Variants in XYLT1 observed in about 807,000 individuals in gnomAD.
XYLT1 encodes the protein xylosyltransferase 1, also known as beta-D-xylosyltransferase 1.
Under a neutral mutation model 91.3 loss-of-function variants are expected in XYLT1, and 36 were observed. The ratio of observed to expected loss-of-function variants is 0.39; its 90% CI spans 0.30 to 0.52. The LOEUF (loss-of-function observed/expected upper bound fraction) is 0.52. XYLT1 is among the 20% of genes least tolerant of loss of function. The probability of loss-of-function intolerance (pLI) is 0.68; values close to 1 mark genes in which losing one functional copy is unlikely to be tolerated. For missense variants in XYLT1, 1,242 were observed against 1,284.5 expected, an observed-to-expected ratio of 0.97 and a Z score of 0.51; for synonymous variants, 588 against 532.0, an observed-to-expected ratio of 1.11 and a Z score of -1.45.
intron 2 of XYLT1, among the ~76,000 whole-genome samples, chr16:17,278,662 G>A (rs2034013717): frequency 6.6e-6 from 1 of 152,168 alleles, no homozygotes; most frequent in African/African-American, 2.4e-5. Flanking sequence ...AGCATCTACT[G>A]TTTACCCAAG....
chr16:17,315,757 G>T (rs1317413571), intron 2 of XYLT1, among the ~76,000 whole-genome samples: 1 of 152,086 alleles, frequency 6.6e-6, no homozygotes, highest in African/African-American at 2.4e-5. Context: ...ACTTGCCCAA[G>T]GTCACCTGGT....
intron 3 of XYLT1, among the ~76,000 whole-genome samples, chr16:17,213,309 C>T (rs1273874508): frequency 6.6e-6 from 1 of 152,168 alleles, no homozygotes; most frequent in Non-Finnish European, 1.5e-5. Context: ...TTGATGTTTC[C>T]TGTACAGCTC....
chr16:17,187,643 TTTC>T (rs1306209411), intron 5 of XYLT1, among the ~76,000 whole-genome samples: 3 of 151,858 alleles, frequency 2.0e-5, no homozygotes, highest in Non-Finnish European at 4.4e-5. Flanking sequence ...TTTTCTTTTC[TTTC>T]TTCTTATTTT....
At position 17,289,110 on chromosome 16, in the gene XYLT1, A is replaced by T. The variant is rs1337308342; in HGVS notation, c.403-29612T>A. Among the ~76,000 whole-genome samples, 3 of 152,232 alleles carry T rather than the reference A, an allele frequency of 2.0e-5. No individual in the cohort carries two copies. In the East Asian group the frequency reaches 5.8e-4, roughly 29 times the overall value. On this transcript the variant is annotated intron_variant, in intron 2 of 11. Transcript: ENST00000261381. ...ATCATTTTCTGTAAAGGACTGGCTA[A>T]TAAATATTTTAGGCCTTGTAAGCCA... is the stretch of plus-strand genomic sequence containing the variant.
At chr16:17,316,114 C>G (rs1438595490) in intron 2 of XYLT1, among the ~76,000 whole-genome samples, 2 of 152,208 alleles carry the variant, frequency 1.3e-5, no homozygotes, top group African/African-American at 2.4e-5. Flanking sequence ...ACTATTCTCC[C>G]CGAAGCGCAC....
At chr16:17,408,599 A>G (rs577253488) in intron 1 of XYLT1, among the ~76,000 whole-genome samples, 1 of 152,376 alleles carries the variant, frequency 6.6e-6, no homozygotes, top group South Asian at 2.1e-4. Flanking sequence ...TAATCCCAGC[A>G]CTTTTGGAGG....
chr16:17,233,437 G>A (rs542006502), intron 3 of XYLT1, among the ~76,000 whole-genome samples: 29 of 152,354 alleles, frequency 1.9e-4, no homozygotes, highest in Middle Eastern at 3.4e-3. Context: ...GACTGCGGAA[G>A]CGAGCAAGAG....
At chr16:17,236,802 G>C (rs541772463) in intron 3 of XYLT1, among the ~76,000 whole-genome samples, 2 of 152,256 alleles carry the variant, frequency 1.3e-5, no homozygotes, top group African/African-American at 4.8e-5. Flanking sequence ...ATGTCTATCT[G>C]TGGGTCTGAA....
intron 2 of XYLT1, among the ~76,000 whole-genome samples, chr16:17,279,264 G>A (rs1007930121): frequency 6.6e-6 from 1 of 152,232 alleles, no homozygotes; most frequent in African/African-American, 2.4e-5. Context: ...TTTCCCAGCT[G>A]TAGCCAGCTC....
At chr16:17,278,204 G>A (rs960154428) in intron 2 of XYLT1, among the ~76,000 whole-genome samples, 4 of 152,104 alleles carry the variant, frequency 2.6e-5, no homozygotes, top group African/African-American at 4.8e-5. Flanking sequence ...TTCAGACACC[G>A]AACTCCCTTT....
At position 17,172,638 on chromosome 16, in the gene XYLT1, A is replaced by AT. The variant is rs1187111239; in HGVS notation, c.1290-13730dup. On this transcript the variant is annotated intron_variant, in intron 5 of 11. Transcript: ENST00000261381. ...AAGCATCCACCACCACATCTGGCTA[A>AT]TTTTTGTACTTTTTAATAGAGATGG... 5.9e-5 allele frequency among the ~76,000 whole-genome samples: 9 copies of AT among 151,874 alleles called. No individual in the cohort carries two copies. The East Asian group carries it at 1.7e-3, about 29-fold the overall frequency.
intron 2 of XYLT1, among the ~76,000 whole-genome samples, chr16:17,317,621 C>A (rs560805852): frequency 1.0e-5 from 1 of 98,338 alleles, no homozygotes; most frequent in South Asian, 3.4e-4. Context: ...CGGTGGGAGA[C>A]GCTGTCTCAA....
Position 17,117,675 on chromosome 16 carries a change from G to T in XYLT1, c.2528C>A (p.Thr843Asn). The stretch of plus-strand genomic sequence containing the variant: ...TTTGATGGGCTGCCTGTTCGAGAAG[G>T]TCAGAGGCGCAACGAGGAATTTGGT... ...AETKFLVAPL[T>N]FSNRQPIKPE... is the part of the protein sequence containing the mutation. Residue 843 changes from threonine to asparagine, a missense_variant, in exon 11 of 12, where the codon ACC (threonine) becomes AAC (asparagine). By Grantham distance (65) the Thr-to-Asn change is moderately conservative. This residue lies in a region of XYLT1 where 511 missense variants were observed against 497.0 expected (regional missense o/e 1.03). Coordinates refer to ENST00000261381, the MANE Select transcript of XYLT1 (RefSeq NM_022166.4). The T allele has an allele frequency of 6.2e-7, 1 of 1,613,812 alleles. No individual in the cohort carries two copies. The highest frequency in any genetic ancestry group is 8.5e-7 in the Non-Finnish European group (1 of 1,179,722).
intron 5 of XYLT1, among the ~76,000 whole-genome samples, chr16:17,167,917 G>C (rs2031736905): frequency 6.6e-6 from 1 of 152,034 alleles, no homozygotes; most frequent in Non-Finnish European, 1.5e-5. Flanking sequence ...GGCTTATCTG[G>C]GGGAGGAGGA....
chr16:17,302,605 T>C (rs1417742311), intron 2 of XYLT1, among the ~76,000 whole-genome samples: 1 of 152,216 alleles, frequency 6.6e-6, no homozygotes. Context: ...CACCATGGTG[T>C]AGGTGTTAAT....
At chr16:17,307,919 T>C (rs1211358565) in intron 2 of XYLT1, among the ~76,000 whole-genome samples, 1 of 152,172 alleles carries the variant, frequency 6.6e-6, no homozygotes, top group Non-Finnish European at 1.5e-5. Flanking sequence ...GACTGATGCC[T>C]GGAAGTCTCT....
intron 9 of XYLT1, among the ~76,000 whole-genome samples, chr16:17,132,519 AC>A (rs2030522316): frequency 6.7e-6 from 1 of 149,178 alleles, no homozygotes; most frequent in Admixed American, 6.7e-5. Context: ...AATGACCTGA[AC>A]CCTGAGCAGT....
intron 6 of XYLT1, among the ~76,000 whole-genome samples, chr16:17,152,973 A>C (rs2031316653): frequency 6.6e-6 from 1 of 152,180 alleles, no homozygotes; most frequent in Admixed American, 6.5e-5. Context: ...GCCCACTTAT[A>C]AAGGGCCCAA....
At chr16:17,337,669 C>CA (rs2035000971) in intron 2 of XYLT1, among the ~76,000 whole-genome samples, 1 of 152,058 alleles carries the variant, frequency 6.6e-6, no homozygotes, top group South Asian at 2.1e-4. Context: ...TGTGGGACCA[C>CA]AAACCCTTGT....
Sources: gnomAD v4.1 joint callset for allele counts (sites outside exome capture counted in the v4.1 genomes callset) on GRCh38, gnomAD v4.1.1 for gene constraint, gnomAD v4.1.1 regional missense constraint, MANE v1.5 for transcripts, NCBI Gene and HGNC (gene_info 2026-07-23, HGNC 2026-07-21) for gene names.